Variants in TANGO6 observed in about 807,000 individuals in gnomAD.
TANGO6 encodes transport and golgi organization 6 homolog.
A neutral mutation model predicts 114.2 loss-of-function variants in TANGO6; 90 were observed. The observed-to-expected ratio is 0.79, with a 90% CI of 0.66 to 0.94. The LOEUF (loss-of-function observed/expected upper bound fraction) is 0.94. Ranked by LOEUF, TANGO6 falls within the 40% of genes least tolerant of loss-of-function variation. The pLI is 0.00. For synonymous variants in TANGO6, 477 were observed against 509.8 expected (o/e 0.94, Z 0.87); for missense variants, 1,274 against 1,315.3 (o/e 0.97, Z 0.49).
chr16:68,957,949 A>G (rs1963550091), intron 14 of TANGO6, among the ~76,000 whole-genome samples: 1 of 152,088 alleles, frequency 6.6e-6, no homozygotes, highest in African/African-American at 2.4e-5. Context: ...AGGAGGGTAG[A>G]TCATTTAAGG....
intron 17 of TANGO6, among the ~76,000 whole-genome samples, chr16:69,072,575 C>T (rs1960313793): frequency 6.6e-6 from 1 of 152,104 alleles, no homozygotes; most frequent in African/African-American, 2.4e-5. Flanking sequence ...AGCTTTGATC[C>T]TTGGGGAGTC....
chr16:69,078,880 A>G (rs1471690562), intron 17 of TANGO6, among the ~76,000 whole-genome samples: 1 of 151,998 alleles, frequency 6.6e-6, no homozygotes, highest in Non-Finnish European at 1.5e-5. Flanking sequence ...TCAGCCTGGC[A>G]TTACAGGCAT....
chr16:69,031,066 T>G (rs1269899438), intron 16 of TANGO6, among the ~76,000 whole-genome samples: 1 of 151,644 alleles, frequency 6.6e-6, no homozygotes, highest in Non-Finnish European at 1.5e-5. Flanking sequence ...AAAAATAAAA[T>G]TAAATTAAAT....
chr16:68,981,845 G>A (rs1000162665), intron 15 of TANGO6, among the ~76,000 whole-genome samples: 1 of 152,118 alleles, frequency 6.6e-6, no homozygotes, highest in Non-Finnish European at 1.5e-5. Flanking sequence ...TTTAGGATTA[G>A]GGATGCTCAA....
At chr16:68,930,662 G>A (rs1182152053) in intron 14 of TANGO6, among the ~76,000 whole-genome samples, 1 of 141,072 alleles carries the variant, frequency 7.1e-6, no homozygotes, top group Non-Finnish European at 1.5e-5. Flanking sequence ...TTGAGACAGA[G>A]TCTCGCTCTG....
intron 7 of TANGO6, among the ~76,000 whole-genome samples, chr16:68,883,773 C>T (rs1396341713): frequency 6.6e-6 from 1 of 152,218 alleles, no homozygotes; most frequent in Admixed American, 6.5e-5. Flanking sequence ...ACATTCCCAT[C>T]GGCAGTATAT....
intron 17 of TANGO6, among the ~76,000 whole-genome samples, chr16:69,051,833 G>A (rs962604236): frequency 3.9e-5 from 6 of 152,008 alleles, no homozygotes; most frequent in African/African-American, 9.7e-5. Context: ...GCAACAGAGC[G>A]AGACTGTCTC....
intron 15 of TANGO6, among the ~76,000 whole-genome samples, chr16:68,983,964 C>T (rs553768603): frequency 6.7e-6 from 1 of 148,572 alleles, no homozygotes; most frequent in Non-Finnish European, 1.5e-5. Context: ...ACCTGGGAGG[C>T]AGAGGTTGCA....
chr16:69,016,991 C>G (rs1297642845), intron 15 of TANGO6, among the ~76,000 whole-genome samples: 2 of 152,018 alleles, frequency 1.3e-5, no homozygotes, highest in African/African-American at 2.4e-5. Flanking sequence ...CACATGGTTT[C>G]AACGTTATTT....
chr16:68,932,395 T>C (rs920248298), intron 14 of TANGO6, among the ~76,000 whole-genome samples: 2 of 151,940 alleles, frequency 1.3e-5, no homozygotes, highest in Non-Finnish European at 2.9e-5. Context: ...CTGGCCAAAA[T>C]AAAATTTAAT....
intron 4 of TANGO6, among the ~76,000 whole-genome samples, chr16:68,872,992 C>T (rs1017653696): frequency 9.9e-5 from 15 of 151,762 alleles, no homozygotes; most frequent in East Asian, 7.8e-4. Flanking sequence ...AGTGAGCCAC[C>T]GCACCCGGCC....
At chr16:69,070,869 A>T (rs958917812) in intron 17 of TANGO6, among the ~76,000 whole-genome samples, 10 of 151,272 alleles carry the variant, frequency 6.6e-5, no homozygotes, top group African/African-American at 2.2e-4. Flanking sequence ...TGTCTCCCAG[A>T]TTCAGGCAAT....
chr16:68,871,909 T>G (rs1036343092), intron 4 of TANGO6, among the ~76,000 whole-genome samples: 2 of 151,826 alleles, frequency 1.3e-5, no homozygotes, highest in African/African-American at 4.8e-5. Flanking sequence ...CGTGAACCAC[T>G]GTGCCTGGCC....
At chr16:69,033,929 A>G (rs781562811) in intron 16 of TANGO6, 4 of 161,600 alleles carry the variant, frequency 2.5e-5, no homozygotes, top group African/African-American at 4.7e-5. Flanking sequence ...GTGTGATATC[A>G]TTAGCTTTTT....
At chr16:68,948,299 A>G (rs942722785) in intron 14 of TANGO6, 1 of 152,242 alleles carries the variant, frequency 6.6e-6, no homozygotes, top group Non-Finnish European at 1.5e-5. Flanking sequence ...ACAGTAAGTA[A>G]CTATTGTCAT....
At chr16:68,980,005 G>A (rs780823783) in intron 15 of TANGO6, among the ~76,000 whole-genome samples, 2 of 151,690 alleles carry the variant, frequency 1.3e-5, no homozygotes, top group East Asian at 1.9e-4. Context: ...CACCATGCCC[G>A]GCTAATTTTT....
At chr16:68,962,810 G>A (rs898480277) in intron 14 of TANGO6, among the ~76,000 whole-genome samples, 4 of 151,764 alleles carry the variant, frequency 2.6e-5, no homozygotes, top group South Asian at 2.1e-4. Flanking sequence ...GGCCGGGCGC[G>A]GTGGCTCATG....
chr16:68,862,477 G>A (rs1031876684), intron 2 of TANGO6, among the ~76,000 whole-genome samples: 7 of 152,034 alleles, frequency 4.6e-5, no homozygotes, highest in African/African-American at 1.2e-4. Context: ...GATTACAGGC[G>A]TGAGCCACCA....
At chr16:68,979,152 C>T (rs1364923594) in intron 15 of TANGO6, among the ~76,000 whole-genome samples, 1 of 151,908 alleles carries the variant, frequency 6.6e-6, no homozygotes, top group African/African-American at 2.4e-5. Flanking sequence ...ACCCCCTGGG[C>T]TCAAGTGATC....
Sources: gnomAD v4.1 joint callset for allele counts (sites outside exome capture counted in the v4.1 genomes callset) on GRCh38, gnomAD v4.1.1 for gene constraint, MANE v1.5 for transcripts, NCBI Gene and HGNC (gene_info 2026-07-23, HGNC 2026-07-21) for gene names.